The following C1orf116 variants were observed in gnomAD, a reference collection of about 807,000 sequenced individuals.
C1orf116 encodes specifically androgen-regulated gene protein.
C1orf116 carries 12 observed loss-of-function variants against 14.1 expected under a neutral mutation model. The ratio of observed to expected loss-of-function variants is 0.85; its 90% CI spans 0.54 to 1.38. C1orf116 has a LOEUF of 1.38. C1orf116 is among the 40% of genes most tolerant of loss of function. The pLI is 0.00. For synonymous variants in C1orf116, 296 were observed against 299.0 expected, an observed-to-expected ratio of 0.99 and a Z score of 0.10; for missense variants, 797 against 747.0, an observed-to-expected ratio of 1.07 and a Z score of -0.78.
In C1orf116 at chr1:207,023,444, G is replaced by A. The variant is rs185649033; in HGVS notation, c.320C>T (p.Thr107Met). The part of the protein sequence containing the change: ...PEETITQQGR[T>M]PRTVTESSSS... Reference sequence around the variant, plus strand: ...GCTGGACTCAGTTACTGTCCTTGGCGTTCGTCCTTGCTGAGTGATGGTCTC... The same window carrying A: ...GCTGGACTCAGTTACTGTCCTTGGCATTCGTCCTTGCTGAGTGATGGTCTC... Residue 107 changes from threonine (T) to methionine (M), a missense_variant, in exon 4 of 4, where the codon ACG (threonine) becomes ATG (methionine). Thr to Met is a moderately conservative substitution (Grantham distance 81). Coordinates refer to ENST00000359470, the MANE Select transcript of C1orf116 (RefSeq NM_023938.6). The A allele has an allele frequency of 3.2e-5, 52 of 1,613,156 alleles. No homozygotes were observed. The highest frequency in any genetic ancestry group is 8.3e-5 in the Admixed American group (5 of 59,956).
intron 1 of C1orf116, among the ~76,000 whole-genome samples, chr1:207,030,177 T>G (rs1476901662): frequency 6.6e-6 from 1 of 152,238 alleles, no homozygotes; most frequent in African/African-American, 2.4e-5. Flanking sequence ...CAGCATAAAC[T>G]GGAAACATAG....
chr1:207,026,484 A>G (rs559961262), intron 2 of C1orf116, among the ~76,000 whole-genome samples: 1 of 152,358 alleles, frequency 6.6e-6, no homozygotes, highest in Admixed American at 6.5e-5. Flanking sequence ...AAAGACATAG[A>G]AAGACGTCTC....
rs1236658756 is a variant in C1orf116 at position 207,022,247 on chromosome 1, C to T, written c.1517G>A (p.Ser506Asn). The change falls in exon 4 of 4, where the codon AGC (serine) becomes AAC (asparagine). Residue 506 changes from serine (S) to asparagine (N), a missense_variant. Transcript: ENST00000359470. ...STEKDASPKT[S>N]TSLGKGSFLD... ...GAAGGAGCCCTTTCCCAGAGAAGTGCTGGTTTTGGGGCTGGCATCTTTCTC... is the reference window on the plus strand; with the variant it reads ...GAAGGAGCCCTTTCCCAGAGAAGTGTTGGTTTTGGGGCTGGCATCTTTCTC... The T allele has an allele frequency of 1.9e-6, 3 of 1,613,764 alleles. No homozygotes were observed. The highest frequency in any genetic ancestry group is 4.5e-5 in the East Asian group (2 of 44,892).
At chr1:207,023,866 C>T (rs528043180) in intron 3 of C1orf116, among the ~76,000 whole-genome samples, 4 of 152,244 alleles carry the variant, frequency 2.6e-5, no homozygotes, top group East Asian at 1.9e-4. Flanking sequence ...TCATGATGGG[C>T]GGCAAGAGAG....
At chr1:207,028,396 T>C (rs1682144729) in intron 1 of C1orf116, among the ~76,000 whole-genome samples, 1 of 152,216 alleles carries the variant, frequency 6.6e-6, no homozygotes, top group Admixed American at 6.5e-5. Flanking sequence ...GAGCAAATTG[T>C]CACCTGCTAT....
intron 3 of C1orf116, 135 bp from the exon 4 acceptor site, chr1:207,023,615 CT>C (rs973358256): frequency 2.3e-6 from 3 of 1,311,490 alleles, no homozygotes; most frequent in Non-Finnish European, 3.0e-6. Context: ...TTTATTTTGC[CT>C]TGTTTTCTTT....
Position 207,023,914 on chromosome 1 carries a change from C to T in C1orf116, c.284-434G>A, listed in dbSNP as rs181220010. 3.7e-3 allele frequency among the ~76,000 whole-genome samples: 570 copies of T among 152,316 alleles called. 4 individuals are homozygous for T. The highest frequency in any genetic ancestry group is 0.01 in the African/African-American group (431 of 41,564). On this transcript the variant is annotated intron_variant, in intron 3 of 3. Transcript: ENST00000359470. The stretch of plus-strand genomic sequence containing the variant: ...GCTCTAAGTTATTGACTTGACCTCT[C>T]CCCAGTTTTCTACAGAGGCACCAGG...
Position 207,018,952 on chromosome 1 carries a change from G to T in C1orf116, c.*3006C>A, listed in dbSNP as rs1286626133. 6.6e-5 allele frequency: 10 copies of T among 152,236 alleles called. No homozygotes were observed. The allele number at this position is 152,236 out of a possible 1,614,324, so 9.4% of individuals were successfully genotyped here. Reference sequence around the variant, plus strand: ...TTCATCTCACACACTCACAGACCATGTAGACTATTCAATCTACACCTCCAG... The same window carrying T: ...TTCATCTCACACACTCACAGACCATTTAGACTATTCAATCTACACCTCCAG... On this transcript the variant is annotated 3_prime_UTR_variant, in exon 4 of 4. Coordinates refer to ENST00000359470, the MANE Select transcript of C1orf116 (RefSeq NM_023938.6).
intron 2 of C1orf116, among the ~76,000 whole-genome samples, chr1:207,025,437 C>G (rs752834062): frequency 3.7e-4 from 56 of 152,288 alleles, no homozygotes; most frequent in Non-Finnish European, 6.2e-4. Context: ...TGTTTGACAG[C>G]CTTTGTCAAA....
chr1:207,023,957 G>A (rs1890869), intron 3 of C1orf116, among the ~76,000 whole-genome samples: 14,363 of 152,228 alleles, frequency 0.094, 2,192 homozygotes, highest in African/African-American at 0.32. Context: ...ATAAATTTGG[G>A]ACAGTTCCTT....
chr1:207,027,553 C>T lies in C1orf116; in HGVS notation c.46G>A (p.Val16Met), dbSNP rs375914744. 33 of 1,613,570 alleles carry T rather than the reference C, an allele frequency of 2.0e-5. No homozygotes were observed. The highest frequency in any genetic ancestry group is 3.3e-4 in the Middle Eastern group (2 of 6,084). ...LWPAGTGSEP[V>M]TRVGSCDSMM... ...CTGTCACAGCTGCCGACACGGGTCA[C>T]GGGTTCTGAGCCAGTCCCCGCTGGC... is the stretch of plus-strand genomic sequence containing the variant. The change falls in exon 2 of 4, where the codon GTG (valine) becomes ATG (methionine). Residue 16 changes from valine (V) to methionine (M), a missense_variant. Physicochemically the swap from Val to Met is conservative, Grantham distance 21. Transcript: ENST00000359470.
rs781161641 is a variant in C1orf116 at position 207,024,917 on chromosome 1, C to T, written c.253G>A (p.Ala85Thr). Residue 85 changes from alanine to threonine, a missense_variant, in exon 3 of 4, where the codon GCA becomes ACA. Physicochemically the swap from Ala to Thr is moderately conservative, Grantham distance 58. Coordinates refer to ENST00000359470, the MANE Select transcript of C1orf116 (RefSeq NM_023938.6). The part of the protein sequence containing the change: ...EPATTPRGFR[A>T]LPITQPTPRG... ...GGAGTGGGTTGGGTTATGGGCAGTG[C>T]TCGGAAACCTCTGGGAGTTGTGGCT... 25 of 1,613,894 alleles carry T rather than the reference C, an allele frequency of 1.5e-5. No homozygotes were observed. Among genetic ancestry groups the T allele is most frequent in the Non-Finnish European group, 1.9e-5 (23 of 1,179,954 alleles).
intron 2 of C1orf116, among the ~76,000 whole-genome samples, chr1:207,026,280 T>A (rs1682070527): frequency 6.6e-6 from 1 of 152,230 alleles, no homozygotes; most frequent in South Asian, 2.1e-4. Context: ...ATATAGCCCC[T>A]GGAAGCTCTG....
Position 207,027,649 on chromosome 1 carries a change from G to T in C1orf116, c.-51C>A, listed in dbSNP as rs778948036. On this transcript the variant is annotated 5_prime_UTR_variant, in exon 2 of 4. Coordinates refer to ENST00000359470, the MANE Select transcript of C1orf116 (RefSeq NM_023938.6). ...CAAAGGGGGCTTCTAGAGGGGAAGC[G>T]AGGGGAAGTGAACAATGTCCCAAGC... 1 of 1,599,812 alleles carries T rather than the reference G, an allele frequency of 6.3e-7. No individual in the cohort carries two copies. Among genetic ancestry groups the T allele is most frequent in the Admixed American group, 1.7e-5 (1 of 59,692 alleles).
intron 1 of C1orf116, among the ~76,000 whole-genome samples, chr1:207,030,372 A>G (rs539115995): frequency 6.6e-6 from 1 of 152,146 alleles, no homozygotes; most frequent in South Asian, 2.1e-4. Flanking sequence ...GCCACCCCTG[A>G]CTAAAATACT....
rs766103815 is a variant in C1orf116, at chr1:207,023,247, C to T, written c.517G>A (p.Val173Ile). The T allele has an allele frequency of 6.2e-7, 1 of 1,613,088 alleles. No individual in the cohort carries two copies. Among genetic ancestry groups the T allele is most frequent in the South Asian group, 1.1e-5 (1 of 90,950 alleles). Residue 173 changes from valine (V) to isoleucine (I), a missense_variant, in exon 4 of 4, where the codon GTC becomes ATC. Transcript: ENST00000359470. ...TGCCTGGGTTGGCTGCTCTGGCTGA[C>T]CTGTTCTTTCTCAGGCTCTGGCGCA... ...RLAPEPEKEQ[V>I]SQSSQPRQAP...
At position 207,023,173 on chromosome 1, in the gene C1orf116, G is replaced by C; in HGVS notation, c.591C>G (p.Leu197=). The stretch of plus-strand genomic sequence containing the variant: ...CCCGGAAAGCTTCTGGCGGAGGGAT[G>C]AGCACCACGTCCAAGTCAAGGGCAG... ...QEAALDLDVV[L]IPPPEAFRDT... The change falls in exon 4 of 4, where the codon CTC becomes CTG. Residue 197 remains leucine (L), a synonymous_variant. Transcript: ENST00000359470. The C allele has an allele frequency of 6.2e-7, 1 of 1,610,140 alleles. No individual in the cohort carries two copies. Among genetic ancestry groups the C allele is most frequent in the South Asian group, 1.1e-5 (1 of 90,614 alleles).
chr1:207,022,366 G>T lies in C1orf116; in HGVS notation c.1398C>A (p.Leu466=). ...TCAGGCCAGGGGTGTTGCTCTCCTG[G>T]AGAGTCAGCCCTGACTCTGGCTTCG... ...TPPKPESGLT[L]QESNTPGLRQ... is the part of the protein sequence containing the mutation. Residue 466 remains leucine (L), a synonymous_variant, in exon 4 of 4, where the codon CTC becomes CTA. Transcript: ENST00000359470. The T allele has an allele frequency of 1.2e-6, 2 of 1,614,092 alleles. No homozygotes were observed. The highest frequency in any genetic ancestry group is 2.2e-5 in the South Asian group (2 of 91,058).
rs1681913369 is a variant in C1orf116 at position 207,022,547 on chromosome 1, G to A, written c.1217C>T (p.Ala406Val). 1 of 1,614,028 alleles carries A rather than the reference G, an allele frequency of 6.2e-7. No homozygotes were observed. Among genetic ancestry groups the A allele is most frequent in the South Asian group, 1.1e-5 (1 of 91,086 alleles). Residue 406 changes from alanine to valine, a missense_variant, in exon 4 of 4, where the codon GCT becomes GTT. Ala to Val is a moderately conservative substitution (Grantham distance 64). Transcript: ENST00000359470. ...PAQASAAIPAAGKALAQAPAP... is the reference protein window; with the variant it reads ...PAQASAAIPAVGKALAQAPAP... ...CGGAGCTTGAGCCAGAGCCTTCCCAGCAGCAGGAATAGCTGCTGAGGCCTG... is the reference window on the plus strand; with the variant it reads ...CGGAGCTTGAGCCAGAGCCTTCCCAACAGCAGGAATAGCTGCTGAGGCCTG...
Sources: allele counts gnomAD v4.1 joint callset (sites outside exome capture counted in the v4.1 genomes callset), GRCh38; gene constraint gnomAD v4.1.1; transcripts MANE v1.5; gene names NCBI Gene and HGNC (gene_info 2026-07-23, HGNC 2026-07-21).